Variants in DYDC1 observed in about 807,000 individuals in gnomAD.
DYDC1 encodes the protein DPY30 domain containing 1.
DYDC1 carries 21 observed loss-of-function variants against 27.9 expected under a neutral mutation model. That is an observed-to-expected ratio of 0.75 (90% CI 0.53 to 1.08). DYDC1 has a LOEUF of 1.08. Ranked by LOEUF, DYDC1 falls within the 50% of genes least tolerant of loss-of-function variation. The probability of loss-of-function intolerance (pLI) is 0.00; values close to 1 mark genes in which losing one functional copy is unlikely to be tolerated. For missense variants in DYDC1, 202 were observed against 205.9 expected (o/e 0.98, Z 0.12); for synonymous variants, 67 against 65.8 (o/e 1.02, Z -0.09).
At chr10:80,350,332 AC>A (rs1842913574) in intron 3 of DYDC1, among the ~76,000 whole-genome samples, 1 of 152,156 alleles carries the variant, frequency 6.6e-6, no homozygotes, top group Non-Finnish European at 1.5e-5. Context: ...TCTCCCACTT[AC>A]GATGTAATTG....
rs1006178723 is a variant in DYDC1 at position 80,354,123 on chromosome 10, A to T, written c.-9-1513T>A. Among the ~76,000 whole-genome samples the T allele has an allele frequency of 1.8e-4, 26 of 145,158 alleles. No homozygotes were observed. In the South Asian group the frequency reaches 2.8e-3, roughly 16 times the overall value. On this transcript the variant is annotated intron_variant, in intron 1 of 6. Coordinates refer to ENST00000372202, the MANE Select transcript of DYDC1 (RefSeq NM_001269053.2). Reference sequence around the variant, plus strand: ...AGAGTGAGACTCTGTCTCATATATAAAAAAAAATATATATATATATATTTT... The same window carrying T: ...AGAGTGAGACTCTGTCTCATATATATAAAAAAATATATATATATATATTTT...
chr10:80,355,488 T>C (rs1036513306), intron 1 of DYDC1, among the ~76,000 whole-genome samples: 2 of 152,104 alleles, frequency 1.3e-5, no homozygotes, highest in African/African-American at 4.8e-5. Flanking sequence ...TCTTGGATCC[T>C]ATCTCAAAGA....
intron 3 of DYDC1, among the ~76,000 whole-genome samples, chr10:80,350,070 C>A (rs1482289465): frequency 1.3e-5 from 2 of 152,160 alleles, no homozygotes; most frequent in African/African-American, 2.4e-5. Context: ...CTCAGCCACA[C>A]TCTCTCAAGC....
chr10:80,348,943 C>G (rs1253653949), intron 3 of DYDC1, among the ~76,000 whole-genome samples: 7 of 151,992 alleles, frequency 4.6e-5, no homozygotes, highest in Non-Finnish European at 8.8e-5. Flanking sequence ...CCAGGCTGGA[C>G]TGCAGTGGCG....
At chr10:80,339,777 C>T (rs1372385244) in intron 4 of DYDC1, among the ~76,000 whole-genome samples, 1 of 152,148 alleles carries the variant, frequency 6.6e-6, no homozygotes, top group East Asian at 1.9e-4. Context: ...GTTTTGGCTG[C>T]TAGAAGACCA....
chr10:80,351,832 T>C, intron 3 of DYDC1, 69 bp downstream of exon 3: 1 of 1,422,694 alleles, frequency 7.0e-7, no homozygotes, highest in Non-Finnish European at 9.8e-7. Context: ...TTATCAACAT[T>C]TAGGCTGTGC....
rs1842129380 is a variant in DYDC1, at chr10:80,336,173, T to C, written c.517A>G (p.Ile173Val). The C allele has an allele frequency of 6.4e-7, 1 of 1,562,444 alleles. No homozygotes were observed. The highest frequency in any genetic ancestry group is 1.4e-5 in the African/African-American group (1 of 72,618). ...GGTTGGTCCTACAAATCTTGATCAA[T>C]GTTTAATGCAATCTAAAAGCAAAAC... ...EPMFSDIALNIDQDL is the reference protein window; with the variant it reads ...EPMFSDIALNVDQDL Residue 173 changes from isoleucine (I) to valine (V), a missense_variant, in exon 7 of 7, where the codon ATT becomes GTT. By Grantham distance (29) the Ile-to-Val change is conservative. Coordinates refer to ENST00000372202, the MANE Select transcript of DYDC1 (RefSeq NM_001269053.2).
Position 80,338,530 on chromosome 10 carries a change from G to A in DYDC1, c.441C>T (p.Ser147=), listed in dbSNP as rs767147643. ...LDSGKTLAEI[S]DRYGAPNLSR... ...TCAAGTTAGGTGCTCCATAACGATC[G>A]CTGATTTCAGCTAGTGTTTTGCCTG... Residue 147 remains serine, a synonymous_variant, in exon 6 of 7, where the codon AGC becomes AGT. Coordinates refer to ENST00000372202, the MANE Select transcript of DYDC1 (RefSeq NM_001269053.2). The A allele has an allele frequency of 6.2e-6, 10 of 1,609,676 alleles. No homozygotes were observed. The highest frequency in any genetic ancestry group is 2.2e-5 in the South Asian group (2 of 90,218).
intron 1 of DYDC1, chr10:80,352,859 A>G (rs1324857654): frequency 3.0e-6 from 1 of 335,762 alleles, no homozygotes; most frequent in Non-Finnish European, 5.2e-6. Flanking sequence ...GAGTCAGAAA[A>G]GAGATATTAT....
rs747660507 is a variant in DYDC1, at chr10:80,337,215, C to T, written c.505-1030G>A. 3.0e-5 allele frequency: 30 copies of T among 985,354 alleles called. No individual in the cohort carries two copies. In the Middle Eastern group the frequency reaches 1.5e-3, roughly 51 times the overall value. 61.0% of individuals were successfully genotyped at this position (985,354 alleles called of 1,614,324 possible). On this transcript the variant is annotated intron_variant, in intron 6 of 6. Coordinates refer to ENST00000372202, the MANE Select transcript of DYDC1 (RefSeq NM_001269053.2). ...AAGACTTGTCCAGCCCAGGTCAGGT[C>T]TCTCCCTACTCTGTCCCTCAAAGAA...
intron 3 of DYDC1, among the ~76,000 whole-genome samples, chr10:80,346,522 G>A (rs1156606023): frequency 1.4e-4 from 20 of 141,206 alleles, no homozygotes; most frequent in Middle Eastern, 3.8e-3. Flanking sequence ...GTGCAGTGGC[G>A]CGATCTCAGC....
chr10:80,340,711 CT>C (rs1842291423), intron 4 of DYDC1, among the ~76,000 whole-genome samples: 1 of 152,012 alleles, frequency 6.6e-6, no homozygotes, highest in Non-Finnish European at 1.5e-5. Context: ...TTAATTTTTA[CT>C]GATATAAATA....
At chr10:80,351,820 G>A in intron 3 of DYDC1, 81 bp downstream of exon 3, 3 of 1,289,694 alleles carry the variant, frequency 2.3e-6, no homozygotes, top group African/African-American at 3.0e-5. Flanking sequence ...GAGCTGGGAA[G>A]TTTATCAACA....
intron 3 of DYDC1, among the ~76,000 whole-genome samples, chr10:80,347,276 CTTTTTTTTTTTTTTTT>C (rs556362145): frequency 8.9e-5 from 8 of 90,114 alleles, no homozygotes; most frequent in Non-Finnish European, 2.1e-5. Flanking sequence ...AATTGGGATC[CTTTTTTTTTTTTTTTT>C]TTTTTTTTTT....
At chr10:80,341,767 G>A (rs1294785672) in intron 4 of DYDC1, among the ~76,000 whole-genome samples, 4 of 152,326 alleles carry the variant, frequency 2.6e-5, no homozygotes, top group East Asian at 1.9e-4. Flanking sequence ...GCTCATGCCT[G>A]TAATCCCAGC....
At chr10:80,343,562 A>G (rs76079822) in intron 3 of DYDC1, among the ~76,000 whole-genome samples, 4 of 152,282 alleles carry the variant, frequency 2.6e-5, no homozygotes, top group Non-Finnish European at 5.9e-5. Context: ...ACTTGAAGCC[A>G]GGAGTTCAAG....
chr10:80,352,125 T>C, intron 2 of DYDC1, 123 bp from the exon 3 acceptor site: 1 of 856,102 alleles, frequency 1.2e-6, no homozygotes. Context: ...AGCCCATCCC[T>C]GTGGAAATGA....
In DYDC1 at chr10:80,351,454, T is replaced by C. The variant is rs57030541; in HGVS notation, c.249+447A>G. 2.8e-3 allele frequency among the ~76,000 whole-genome samples: 431 copies of C among 151,392 alleles called. 11 individuals carry two copies. The East Asian group carries it at 0.063, about 22-fold the overall frequency. On this transcript the variant is annotated intron_variant, in intron 3 of 6. Transcript: ENST00000372202. ...TCAAAATCTCCTTGAAAGCATTGCC[T>C]ACATTTTCCACCTCCCCTGCCTAAG...
chr10:80,349,314 A>T (rs1182314223), intron 3 of DYDC1, among the ~76,000 whole-genome samples: 1 of 152,218 alleles, frequency 6.6e-6, no homozygotes, highest in Non-Finnish European at 1.5e-5. Context: ...TCTAATAAAA[A>T]ATTTATATTC....
Sources: allele counts gnomAD v4.1 joint callset (sites outside exome capture counted in the v4.1 genomes callset), GRCh38; gene constraint gnomAD v4.1.1; transcripts MANE v1.5; gene names NCBI Gene and HGNC (gene_info 2026-07-23, HGNC 2026-07-21).